CHD1: variants seen among roughly 807,000 people sequenced by gnomAD.
CHD1 encodes the protein chromodomain helicase DNA binding protein 1.
A neutral mutation model predicts 224.2 loss-of-function variants in CHD1; 36 were observed. The ratio of observed to expected loss-of-function variants is 0.16; its 90% CI spans 0.12 to 0.21. The LOEUF is 0.21. Among genes scored for constraint, CHD1 ranks in the 10% least tolerant of loss-of-function variants. CHD1 has a pLI of 1.00. For missense variants in CHD1, 1,378 were observed against 1,994.8 expected, an observed-to-expected ratio of 0.69 and a Z score of 5.89; for synonymous variants, 668 against 658.3, an observed-to-expected ratio of 1.01 and a Z score of -0.23.
intron 2 of CHD1, among the ~76,000 whole-genome samples, chr5:98,921,053 G>A (rs879515061): frequency 2.4e-4 from 37 of 151,922 alleles, no homozygotes; most frequent in Non-Finnish European, 4.6e-4. Context: ...TTTTAAAAAA[G>A]AATAAAAAAA....
intron 15 of CHD1, among the ~76,000 whole-genome samples, chr5:98,890,039 G>A (rs1268598473): frequency 6.6e-6 from 1 of 152,120 alleles, no homozygotes; most frequent in Non-Finnish European, 1.5e-5. Flanking sequence ...TAACAACACT[G>A]TCGACTACTA....
At chr5:98,881,242 T>A in intron 21 of CHD1, 37 bp downstream of exon 21, 1 of 1,362,814 alleles carries the variant, frequency 7.3e-7, no homozygotes, top group Non-Finnish European at 9.9e-7. Flanking sequence ...ACACATATTC[T>A]GAGGCAGGCC....
chr5:98,912,009 C>CT lies in CHD1; in HGVS notation c.54-6912dup, dbSNP rs1491161086. Among the ~76,000 whole-genome samples the CT allele has an allele frequency of 3.9e-5, 6 of 151,988 alleles. No individual in the cohort carries two copies. The East Asian group carries it at 9.7e-4, about 24-fold the overall frequency. On this transcript the variant is annotated intron_variant, in intron 2 of 35. Transcript: ENST00000614616. The stretch of plus-strand genomic sequence containing the variant: ...AATATAGGCCTTGAGTAAAAGAATA[C>CT]TTTTTTTATTCTAAAATACATACTG...
At chr5:98,903,757 C>T (rs1238418140) in intron 4 of CHD1, 35 bp downstream of exon 4, 1 of 1,387,500 alleles carries the variant, frequency 7.2e-7, no homozygotes. Flanking sequence ...GCAGCATGTC[C>T]ACTTTTAAAA....
chr5:98,922,317 A>T (rs540164193), intron 2 of CHD1, among the ~76,000 whole-genome samples: 1 of 152,338 alleles, frequency 6.6e-6, no homozygotes, highest in Admixed American at 6.5e-5. Context: ...CTTTGTGTTG[A>T]GCTGTAACTG....
At chr5:98,867,100 CTGTTA>C (rs1345052454) in intron 31 of CHD1, among the ~76,000 whole-genome samples, 2 of 152,048 alleles carry the variant, frequency 1.3e-5, no homozygotes, top group Non-Finnish European at 2.9e-5. Flanking sequence ...CACATACATA[CTGTTA>C]TATTATGTAA....
At chr5:98,872,745 T>C (rs147761761) in intron 26 of CHD1, among the ~76,000 whole-genome samples, 190 bp from the exon 27 acceptor site, 40 of 152,270 alleles carry the variant, frequency 2.6e-4, no homozygotes, top group Admixed American at 2.6e-4. Context: ...CAGATGCAAA[T>C]TCACGAAAAG....
chr5:98,861,525 C>CT (rs1320790290), intron 32 of CHD1, among the ~76,000 whole-genome samples: 4 of 152,246 alleles, frequency 2.6e-5, no homozygotes, highest in African/African-American at 9.6e-5. Flanking sequence ...GTTTAGATCT[C>CT]TATCTTCTTT....
intron 33 of CHD1, among the ~76,000 whole-genome samples, chr5:98,859,218 T>G (rs1354796062): frequency 6.6e-6 from 1 of 152,152 alleles, no homozygotes; most frequent in Non-Finnish European, 1.5e-5. Flanking sequence ...AAAGATATTT[T>G]TTCATTTTGA....
rs1321711053 is a variant in CHD1 at position 98,899,475 on chromosome 5, C to T, written c.1085+5G>A. 4 of 1,528,706 alleles carry T rather than the reference C, an allele frequency of 2.6e-6. No homozygotes were observed. The East Asian group carries it at 9.0e-5, about 34-fold the overall frequency. The allele number at this position is 1,528,706 out of a possible 1,614,324, so 94.7% of individuals were successfully genotyped here. On this transcript the variant is annotated splice_donor_5th_base_variant and intron_variant, in intron 8 of 35. Coordinates refer to ENST00000614616, the MANE Select transcript of CHD1 (RefSeq NM_001270.4). ...AAAGAAGTATATGATATACAGCATA[C>T]TTACCATCTTTTTGTTTCCTGATCT...
At chr5:98,875,019 G>A in intron 25 of CHD1, 53 bp downstream of exon 25, 1 of 885,152 alleles carries the variant, frequency 1.1e-6, no homozygotes. Context: ...ATAAATAAAG[G>A]TGACAGCATG....
intron 2 of CHD1, among the ~76,000 whole-genome samples, chr5:98,912,212 A>C (rs1291140174): frequency 6.6e-6 from 1 of 152,216 alleles, no homozygotes; most frequent in Non-Finnish European, 1.5e-5. Context: ...AAAGCCACAG[A>C]AGTGAACATA....
intron 2 of CHD1, among the ~76,000 whole-genome samples, chr5:98,920,033 C>G (rs1752985883): frequency 6.6e-6 from 1 of 151,900 alleles, no homozygotes; most frequent in Non-Finnish European, 1.5e-5. Flanking sequence ...AAGGCTAGAT[C>G]AATTTAAGTA....
intron 28 of CHD1, 23 bp from the exon 29 acceptor site, chr5:98,870,826 C>A: frequency 6.8e-7 from 1 of 1,467,490 alleles, no homozygotes; most frequent in South Asian, 1.2e-5. Flanking sequence ...TAAATTTTTT[C>A]AGATTGTCTT....
Position 98,873,610 on chromosome 5 carries a change from G to T in CHD1, c.3554C>A (p.Ser1185Ter). The T allele has an allele frequency of 6.3e-7, 1 of 1,599,928 alleles. No individual in the cohort carries two copies. The change falls in exon 26 of 36, where the codon TCA becomes TAA. Residue 1185 changes from serine (S) to a stop codon, truncating the protein, a stop_gained. Coordinates refer to ENST00000614616, the MANE Select transcript of CHD1 (RefSeq NM_001270.4). LOFTEE classifies it high-confidence loss of function. ...GCIKALKDSS[S>*]GTERTGGRLG... ...AATGTTACCTGTTCGTTCTGTTCCT[G>T]AAGAACTATCCTTTAATGCTTTAAT...
chr5:98,892,191 T>C (rs1751065062), intron 15 of CHD1, among the ~76,000 whole-genome samples: 1 of 152,206 alleles, frequency 6.6e-6, no homozygotes, highest in African/African-American at 2.4e-5. Flanking sequence ...GTTTCTTTTT[T>C]TGGCCTCTGT....
intron 33 of CHD1, 61 bp from the exon 34 acceptor site, chr5:98,859,076 A>C: frequency 7.6e-7 from 1 of 1,318,630 alleles, no homozygotes; most frequent in South Asian, 1.3e-5. Context: ...ACAAAAAAGC[A>C]CAGATAATTC....
At chr5:98,906,155 G>A (rs1367083582) in intron 2 of CHD1, among the ~76,000 whole-genome samples, 2 of 152,112 alleles carry the variant, frequency 1.3e-5, no homozygotes, top group African/African-American at 2.4e-5. Flanking sequence ...AAAGTTTGCA[G>A]GAAGAATTTT....
At chr5:98,858,463 C>G in intron 34 of CHD1, 73 bp from the exon 35 acceptor site, 1 of 1,261,916 alleles carries the variant, frequency 7.9e-7, no homozygotes, top group Non-Finnish European at 1.1e-6. Flanking sequence ...TGATAGATAA[C>G]AAGAATTCGT....
Sources: gnomAD v4.1 joint callset for allele counts (sites outside exome capture counted in the v4.1 genomes callset) on GRCh38, gnomAD v4.1.1 for gene constraint, MANE v1.5 for transcripts, NCBI Gene and HGNC (gene_info 2026-07-23, HGNC 2026-07-21) for gene names.